BMS1: variants seen among roughly 807,000 people sequenced by gnomAD.
The protein encoded by BMS1 is ribosome biogenesis protein BMS1 homolog.
BMS1 carries 53 observed loss-of-function variants against 138.7 expected under a neutral mutation model. That is an observed-to-expected ratio of 0.38 (90% CI 0.31 to 0.48). BMS1 has a LOEUF of 0.48. Among genes scored for constraint, BMS1 ranks in the 20% least tolerant of loss-of-function variants. BMS1 has a pLI of 0.97. For missense variants in BMS1, 1,360 were observed against 1,565.5 expected, an observed-to-expected ratio of 0.87 and a Z score of 2.22; for synonymous variants, 504 against 539.9, an observed-to-expected ratio of 0.93 and a Z score of 0.92.
At chr10:42,800,638 T>G (rs1029559515) in intron 12 of BMS1, among the ~76,000 whole-genome samples, 1 of 151,430 alleles carries the variant, frequency 6.6e-6, no homozygotes, top group African/African-American at 2.4e-5. Flanking sequence ...GCCATTCTCC[T>G]GCCTCAGCCT....
intron 21 of BMS1, among the ~76,000 whole-genome samples, chr10:42,826,465 A>C (rs1394317123): frequency 1.3e-5 from 2 of 152,180 alleles, no homozygotes; most frequent in Non-Finnish European, 2.9e-5. Context: ...GCAGCATCTC[A>C]GTCTCTACGA....
chr10:42,796,154 T>A (rs1052074797), intron 9 of BMS1, among the ~76,000 whole-genome samples: 8 of 152,164 alleles, frequency 5.3e-5, no homozygotes, highest in African/African-American at 1.9e-4. Flanking sequence ...GCTTAGAAAT[T>A]AATCAGCTTT....
chr10:42,812,887 G>T (rs1041668915), intron 13 of BMS1, among the ~76,000 whole-genome samples: 2 of 152,198 alleles, frequency 1.3e-5, no homozygotes, highest in African/African-American at 4.8e-5. Flanking sequence ...GCTGATAAAA[G>T]AACTAGCCAG....
At chr10:42,788,975 A>G (rs1359687724) in intron 4 of BMS1, among the ~76,000 whole-genome samples, 1 of 152,212 alleles carries the variant, frequency 6.6e-6, no homozygotes, top group East Asian at 1.9e-4. Flanking sequence ...TTTTTAATAT[A>G]ATATTCCATT....
chr10:42,817,991 G>A (rs1005486200), intron 15 of BMS1, among the ~76,000 whole-genome samples: 1 of 152,186 alleles, frequency 6.6e-6, no homozygotes, highest in Non-Finnish European at 1.5e-5. Context: ...AGAAATAAAG[G>A]GAGATGGTGT....
chr10:42,798,379 A>T, intron 11 of BMS1, 89 bp from the exon 12 acceptor site: 1 of 1,523,334 alleles, frequency 6.6e-7, no homozygotes, highest in Non-Finnish European at 9.0e-7. Flanking sequence ...TCCTGAGTTC[A>T]AAGACTCATG....
Position 42,796,790 on chromosome 10 carries a change from G to A in BMS1, c.1546G>A (p.Gly516Arg). 2 of 1,614,214 alleles carry A rather than the reference G, an allele frequency of 1.2e-6. No individual in the cohort carries two copies. The highest frequency in any genetic ancestry group is 1.1e-5 in the South Asian group (1 of 91,082). ...CCTTGAGAGGAGCTCAGCGGAAGAA[G>A]GGGAAGCGGAGGAAGCTGATGAAAG... ...DDLERSSAEE[G>R]EAEEADESSE... is the part of the protein sequence containing the mutation. The change falls in exon 10 of 23, where the codon GGG becomes AGG. Residue 516 changes from glycine to arginine, a missense_variant. Physicochemically the swap from Gly to Arg is moderately radical, Grantham distance 125. Coordinates refer to ENST00000374518, the MANE Select transcript of BMS1 (RefSeq NM_014753.4).
intron 13 of BMS1, 136 bp downstream of exon 13, chr10:42,802,354 C>A: frequency 1.5e-6 from 1 of 669,208 alleles, no homozygotes; most frequent in Non-Finnish European, 2.4e-6. Context: ...AGTAATGAAC[C>A]AGGTAATATT....
chr10:42,800,066 G>C (rs1841821386), intron 12 of BMS1, among the ~76,000 whole-genome samples: 1 of 152,166 alleles, frequency 6.6e-6, no homozygotes, highest in East Asian at 1.9e-4. Flanking sequence ...CTTCTGTAAT[G>C]AAAGGAATGT....
At chr10:42,793,740 G>T (rs1334761019) in intron 8 of BMS1, 112 bp from the exon 9 acceptor site, 7 of 1,279,954 alleles carry the variant, frequency 5.5e-6, no homozygotes, top group African/African-American at 1.5e-5. Flanking sequence ...GAGGCATTAA[G>T]AAAGGTTCTT....
rs2132314935 is a variant in BMS1, at chr10:42,795,584, G to A, written c.1230-890G>A. Among the ~76,000 whole-genome samples, 3 of 151,764 alleles carry A rather than the reference G, an allele frequency of 2.0e-5. 1 individual carries two copies. Among genetic ancestry groups the A allele is most frequent in the Non-Finnish European group, 4.4e-5 (3 of 67,952 alleles). The stretch of plus-strand genomic sequence containing the variant: ...AATCCTCCTGCCTTGGCCTCCCAAA[G>A]TTCTGGGATTACAGATGTGAGCCAC... On this transcript the variant is annotated intron_variant, in intron 9 of 22. Coordinates refer to ENST00000374518, the MANE Select transcript of BMS1 (RefSeq NM_014753.4).
Position 42,784,508 on chromosome 10 carries a change from G to C in BMS1, c.114G>C (p.Arg38=), listed in dbSNP as rs756714741. 6.2e-7 allele frequency: 1 copy of C among 1,613,966 alleles called. No individual in the cohort carries two copies. The highest frequency in any genetic ancestry group is 1.1e-5 in the South Asian group (1 of 91,070). ...DLQLGDEEDA[R]KRNPKAFAVQ... Reference sequence around the variant, plus strand: ...AGCTAGGAGACGAAGAAGATGCCCGGAAGAGAAATCCCAAAGCTTTTGCAG... The same window carrying C: ...AGCTAGGAGACGAAGAAGATGCCCGCAAGAGAAATCCCAAAGCTTTTGCAG... Residue 38 remains arginine (R), a synonymous_variant, in exon 2 of 23, where the codon CGG becomes CGC. Transcript: ENST00000374518.
chr10:42,792,352 T>G (rs184360768), intron 6 of BMS1, 141 bp from the exon 7 acceptor site: 6 of 1,148,458 alleles, frequency 5.2e-6, no homozygotes, highest in Non-Finnish European at 7.3e-6. Context: ...GGATGGTGAA[T>G]GGTGCCTCCT....
chr10:42,828,121 T>C (rs1842705066), intron 21 of BMS1, among the ~76,000 whole-genome samples: 1 of 152,202 alleles, frequency 6.6e-6, no homozygotes, highest in African/African-American at 2.4e-5. Flanking sequence ...CCCTGTGGCC[T>C]CTCCCAGGCA....
chr10:42,814,164 G>A (rs1842268166), intron 13 of BMS1, among the ~76,000 whole-genome samples: 2 of 152,332 alleles, frequency 1.3e-5, no homozygotes, highest in South Asian at 4.1e-4. Flanking sequence ...GGAAGCGTCA[G>A]GAATTAGTTA....
Position 42,823,742 on chromosome 10 carries a change from C to T in BMS1, c.3414C>T (p.Ala1138=), listed in dbSNP as rs748133252. The stretch of plus-strand genomic sequence containing the variant: ...GGACCACGGGCCAACTCAGGCTCGC[C>T]CATGGCGTCAGACTAAAGGCGAACA... ...GMRTTGQLRL[A]HGVRLKANKD... is the part of the protein sequence containing the mutation. The change falls in exon 21 of 23, where the codon GCC becomes GCT. Residue 1138 remains alanine, a synonymous_variant. Coordinates refer to ENST00000374518, the MANE Select transcript of BMS1 (RefSeq NM_014753.4). 6.9e-6 allele frequency: 11 copies of T among 1,595,392 alleles called. No homozygotes were observed. Among genetic ancestry groups the T allele is most frequent in the Non-Finnish European group, 9.3e-6 (11 of 1,179,460 alleles).
chr10:42,798,702 T>A (rs1841775066), intron 12 of BMS1, 77 bp downstream of exon 12: 1 of 1,561,004 alleles, frequency 6.4e-7, no homozygotes. Flanking sequence ...ATGTCAATAT[T>A]GCTTACCTGT....
intron 14 of BMS1, 111 bp from the exon 15 acceptor site, chr10:42,817,207 G>C (rs1006761330): frequency 1.2e-6 from 1 of 857,728 alleles, no homozygotes; most frequent in African/African-American, 1.7e-5. Context: ...TATTGATAAT[G>C]ATAACAGATT....
chr10:42,787,569 T>G (rs1168468356), intron 4 of BMS1, among the ~76,000 whole-genome samples: 5 of 152,220 alleles, frequency 3.3e-5, no homozygotes, highest in Non-Finnish European at 7.3e-5. Context: ...TCATAGTAAG[T>G]ACCATTTCTT....
Sources: allele counts gnomAD v4.1 joint callset (sites outside exome capture counted in the v4.1 genomes callset), GRCh38; gene constraint gnomAD v4.1.1; transcripts MANE v1.5; gene names NCBI Gene and HGNC (gene_info 2026-07-23, HGNC 2026-07-21).